Variants in SCARA3 observed in about 807,000 individuals in gnomAD.
SCARA3 encodes the protein cellular stress response gene protein.
SCARA3 carries 39 observed loss-of-function variants against 47.0 expected under a neutral mutation model. The observed-to-expected ratio is 0.83, with a 90% CI of 0.64 to 1.08. SCARA3 has a LOEUF of 1.08. SCARA3 is among the 50% of genes least tolerant of loss of function. The pLI is 0.00. For missense variants in SCARA3, 724 were observed against 792.3 expected (o/e 0.91, Z 1.04); for synonymous variants, 356 against 334.1 (o/e 1.07, Z -0.71).
At chr8:27,729,825 A>G in the SCARA3 span, among the ~76,000 whole-genome samples, 1 of 152,144 alleles carries the variant, frequency 6.6e-6, no homozygotes, top group African/African-American at 2.4e-5. Flanking sequence ...AATATAAACA[A>G]TAAAAGGAGC....
chr8:27,686,902 A>C, the SCARA3 span, among the ~76,000 whole-genome samples: 1 of 152,190 alleles, frequency 6.6e-6, no homozygotes, highest in Non-Finnish European at 1.5e-5. Context: ...ACTAAGTATT[A>C]AGCCCAGCGT....
At chr8:27,646,029 G>A (rs978989495) in intron 1 of SCARA3, among the ~76,000 whole-genome samples, 10 of 152,206 alleles carry the variant, frequency 6.6e-5, no homozygotes, top group African/African-American at 2.4e-4. Flanking sequence ...AAGTGAACGA[G>A]GCTACAGTGG....
Position 27,646,974 on chromosome 8 carries a change from C to A in SCARA3, c.8-2728C>A, listed in dbSNP as rs999440432. ...TGCCCGCACCCCTGACCGCCCCCGC[C>A]CCCCCCCCGCACACACACACTATTG... On this transcript the variant is annotated intron_variant, in intron 1 of 5. Coordinates refer to ENST00000301904, the MANE Select transcript of SCARA3 (RefSeq NM_016240.3). 7.1e-4 allele frequency among the ~76,000 whole-genome samples: 71 copies of A among 100,544 alleles called. 14 individuals carry two copies. The highest frequency in any genetic ancestry group is 7.9e-4 in the Non-Finnish European group (37 of 47,122). 66.0% of individuals were successfully genotyped at this position (100,544 alleles called of 152,430 possible). A position where few individuals can be genotyped will look rare whatever the true frequency, so the allele number is the denominator to read the frequency against.
At chr8:27,654,789 CAA>C (rs539914704) in intron 3 of SCARA3, among the ~76,000 whole-genome samples, 14 of 86,100 alleles carry the variant, frequency 1.6e-4, no homozygotes, top group East Asian at 2.8e-4. Flanking sequence ...GACTGTCTCA[CAA>C]AAAAAAAAAA....
intron 1 of SCARA3, among the ~76,000 whole-genome samples, chr8:27,638,833 A>C (rs1354480172): frequency 6.6e-6 from 1 of 152,090 alleles, no homozygotes; most frequent in South Asian, 2.1e-4. Context: ...TCCCAGCGAG[A>C]GAGTTTGGGG....
At chr8:27,654,556 T>C (rs1801700585) in intron 3 of SCARA3, among the ~76,000 whole-genome samples, 1 of 151,976 alleles carries the variant, frequency 6.6e-6, no homozygotes, top group Non-Finnish European at 1.5e-5. Context: ...CTCAGGAGTT[T>C]GAGGCCAGCC....
downstream of SCARA3, among the ~76,000 whole-genome samples, chr8:27,681,315 T>C (rs950076423): frequency 7.3e-6 from 1 of 136,300 alleles, no homozygotes; most frequent in Non-Finnish European, 1.6e-5. Flanking sequence ...GTCAATTGTA[T>C]CTCTATATAC....
At chr8:27,722,928 G>T in the SCARA3 span, among the ~76,000 whole-genome samples, 4 of 151,962 alleles carry the variant, frequency 2.6e-5, no homozygotes, top group African/African-American at 9.7e-5. Context: ...TGATATGGCC[G>T]CCCCACCTGA....
chr8:27,690,571 A>G, the SCARA3 span, among the ~76,000 whole-genome samples: 2 of 152,268 alleles, frequency 1.3e-5, no homozygotes, highest in Non-Finnish European at 2.9e-5. Context: ...GTTAAAAAGT[A>G]ATAAGACAGC....
At chr8:27,690,166 C>G in the SCARA3 span, among the ~76,000 whole-genome samples, 1 of 152,158 alleles carries the variant, frequency 6.6e-6, no homozygotes, top group African/African-American at 2.4e-5. Flanking sequence ...ACCTCCATGC[C>G]TCACCGTGTT....
intron 1 of SCARA3, among the ~76,000 whole-genome samples, chr8:27,646,623 C>A (rs1285689642): frequency 2.0e-5 from 3 of 152,106 alleles, no homozygotes; most frequent in African/African-American, 7.2e-5. Context: ...CCACGGTAGC[C>A]CCGGGGCAGT....
At chr8:27,714,410 G>A in the SCARA3 span, among the ~76,000 whole-genome samples, 5,536 of 151,986 alleles carry the variant, frequency 0.036, 145 homozygotes, top group African/African-American at 0.063. Flanking sequence ...GGGCAGGCTA[G>A]TCTTGAACTC....
At chr8:27,634,255 C>A in intron 1 of SCARA3, 48 bp downstream of exon 1, 1 of 1,314,436 alleles carries the variant, frequency 7.6e-7, no homozygotes, top group South Asian at 2.5e-5. Flanking sequence ...CGCCTGCACC[C>A]CCGCTCCACC....
intron 5 of SCARA3, among the ~76,000 whole-genome samples, chr8:27,662,038 G>C (rs917667629): frequency 3.3e-5 from 5 of 152,154 alleles, no homozygotes; most frequent in African/African-American, 1.2e-4. Context: ...GTGGCCAGGT[G>C]GCAGTCTTAA....
the SCARA3 span, among the ~76,000 whole-genome samples, chr8:27,722,387 A>C: frequency 6.6e-6 from 1 of 152,084 alleles, no homozygotes; most frequent in South Asian, 2.1e-4. Context: ...CTCATGGTTC[A>C]TGTTCACAGC....
chr8:27,653,670 AGG>A (rs1801683119), intron 3 of SCARA3, among the ~76,000 whole-genome samples: 1 of 151,958 alleles, frequency 6.6e-6, no homozygotes, highest in Non-Finnish European at 1.5e-5. Context: ...CAAAGTCCAG[AGG>A]GTTGGGAAAA....
chr8:27,636,414 C>T (rs2128913711), intron 1 of SCARA3, among the ~76,000 whole-genome samples: 1 of 152,042 alleles, frequency 6.6e-6, no homozygotes, highest in South Asian at 2.1e-4. Flanking sequence ...CCAGCCTGGG[C>T]AACAGAGTGA....
chr8:27,723,589 C>T, the SCARA3 span, among the ~76,000 whole-genome samples: 2 of 152,160 alleles, frequency 1.3e-5, no homozygotes, highest in Non-Finnish European at 2.9e-5. Context: ...ACTAAAAATA[C>T]CTCTTGTCCT....
At chr8:27,724,063 G>A in the SCARA3 span, among the ~76,000 whole-genome samples, 1 of 152,140 alleles carries the variant, frequency 6.6e-6, no homozygotes, top group Admixed American at 6.5e-5. Context: ...ATTTTCCAGA[G>A]GTCAACAGTG....
Sources: gnomAD v4.1 joint callset for allele counts (sites outside exome capture counted in the v4.1 genomes callset) on GRCh38, gnomAD v4.1.1 for gene constraint, MANE v1.5 for transcripts, NCBI Gene and HGNC (gene_info 2026-07-23, HGNC 2026-07-21) for gene names.